ATPAF2: variants seen among roughly 807,000 people sequenced by gnomAD.
The protein encoded by ATPAF2 is ATP synthase mitochondrial F1 complex assembly factor 2, also known as ATP12 homolog.
ATPAF2 carries 30 observed loss-of-function variants against 36.6 expected under a neutral mutation model. That is an observed-to-expected ratio of 0.82 (90% CI 0.61 to 1.11). The LOEUF (loss-of-function observed/expected upper bound fraction) is 1.11, where lower values mean the gene tolerates loss of function less well. Among genes scored for constraint, ATPAF2 ranks in the 50% most tolerant of loss-of-function variants. The pLI is 0.00. For missense variants in ATPAF2, 321 were observed against 372.3 expected, an observed-to-expected ratio of 0.86 and a Z score of 1.13; for synonymous variants, 140 against 152.6, an observed-to-expected ratio of 0.92 and a Z score of 0.61.
chr17:18,020,008 C>T (rs1568564738), intron 7 of ATPAF2, among the ~76,000 whole-genome samples: 1 of 152,160 alleles, frequency 6.6e-6, no homozygotes, highest in South Asian at 2.1e-4. Context: ...AGAATAGTAG[C>T]GGGCCTCCTT....
chr17:18,030,070 C>G (rs1261925491), intron 1 of ATPAF2, among the ~76,000 whole-genome samples: 1 of 151,324 alleles, frequency 6.6e-6, no homozygotes, highest in Non-Finnish European at 1.5e-5. Context: ...CCTGTAATCC[C>G]AGCACTTTGG....
At chr17:18,024,375 C>A (rs778288956) in intron 5 of ATPAF2, among the ~76,000 whole-genome samples, 1 of 152,216 alleles carries the variant, frequency 6.6e-6, no homozygotes, top group African/African-American at 2.4e-5. Context: ...GGACACAGAG[C>A]TGCCCCTACA....
At chr17:18,015,994 C>T, downstream of ATPAF2, 1 of 1,557,626 alleles carries the variant, frequency 6.4e-7, no homozygotes, top group Non-Finnish European at 8.8e-7. Context: ...TGCTCCTTCT[C>T]TGTTCAGCTC....
intron 3 of ATPAF2, among the ~76,000 whole-genome samples, chr17:18,027,801 G>A (rs987698644): frequency 1.3e-5 from 2 of 152,224 alleles, no homozygotes; most frequent in African/African-American, 4.8e-5. Context: ...ACCTGCTAGT[G>A]GCTGTCCAGA....
At chr17:18,024,044 T>A (rs1363371762) in intron 5 of ATPAF2, among the ~76,000 whole-genome samples, 1 of 152,260 alleles carries the variant, frequency 6.6e-6, no homozygotes, top group Non-Finnish European at 1.5e-5. Context: ...TGCATACATA[T>A]CGTATATGTT....
In ATPAF2 at chr17:18,018,534, T is replaced by A. The variant is rs1487978962; in HGVS notation, c.*15A>T. The stretch of plus-strand genomic sequence containing the variant: ...TGCACTGCCTCTATCCTGCTGAGTG[T>A]GCTCTGCCCAGGCCTCACTCCTTCA... On this transcript the variant is annotated 3_prime_UTR_variant, in exon 8 of 8. Coordinates refer to ENST00000474627, the MANE Select transcript of ATPAF2 (RefSeq NM_145691.4). 1.5e-5 allele frequency: 24 copies of A among 1,612,994 alleles called. No individual in the cohort carries two copies. Among genetic ancestry groups the A allele is most frequent in the Non-Finnish European group, 2.0e-5 (24 of 1,180,022 alleles).
chr17:18,032,702 G>A (rs2044653401), intron 1 of ATPAF2, among the ~76,000 whole-genome samples: 1 of 152,196 alleles, frequency 6.6e-6, no homozygotes, highest in African/African-American at 2.4e-5. Context: ...TTACTGTCTA[G>A]TAGGAATACA....
At chr17:18,019,634 GACAGTGTAAGTCCAACCAA>G (rs150013172) in intron 7 of ATPAF2, among the ~76,000 whole-genome samples, 3,347 of 152,320 alleles carry the variant, frequency 0.022, 105 homozygotes, top group African/African-American at 0.067. Context: ...TGGCTGTCCA[GACAGTGTAAGTCCAACCAA>G]ACCTTGCTGG....
At chr17:18,033,133 C>T (rs917950678) in intron 1 of ATPAF2, among the ~76,000 whole-genome samples, 7 of 151,810 alleles carry the variant, frequency 4.6e-5, no homozygotes, top group African/African-American at 7.3e-5. Context: ...CTTTGTGAGG[C>T]CGAGGGGGAC....
At chr17:18,015,590 TGG>T, downstream of ATPAF2, 2 of 154,758 alleles carry the variant, frequency 1.3e-5, no homozygotes, top group Admixed American at 6.3e-5. Context: ...TGAGTGGCAG[TGG>T]AGAGACAACT....
rs747636000 is a variant in ATPAF2 at position 18,030,513 on chromosome 17, G to GAA, written c.134-1856_134-1855dup. ...ACAGAACAAGACCCTGTCTCTTGGGGAAAAAAAAAAAAAAAAAAAAAACAA... is the reference window on the plus strand; with the variant it reads ...ACAGAACAAGACCCTGTCTCTTGGGGAAAAAAAAAAAAAAAAAAAAAAAACAA... On this transcript the variant is annotated intron_variant, in intron 1 of 7. Transcript: ENST00000474627. Among the ~76,000 whole-genome samples the GAA allele has an allele frequency of 5.9e-3, 461 of 77,490 alleles. 6 individuals carry two copies. The highest frequency in any genetic ancestry group is 0.035 in the East Asian group (86 of 2,490). 50.8% of individuals were successfully genotyped at this position (77,490 alleles called of 152,430 possible).
At chr17:18,016,300 A>G (rs2044361484), downstream of ATPAF2, 3 of 1,251,714 alleles carry the variant, frequency 2.4e-6, no homozygotes, top group Non-Finnish European at 3.4e-6. Context: ...AATGAAATGA[A>G]GGAAGAAATA....
intron 5 of ATPAF2, among the ~76,000 whole-genome samples, chr17:18,023,223 G>A (rs1019129219): frequency 9.2e-5 from 14 of 151,486 alleles, no homozygotes; most frequent in South Asian, 2.1e-4. Flanking sequence ...TTGAGGTCAG[G>A]AGTTCGAGAC....
Position 18,018,552 on chromosome 17 carries a change from C to A in ATPAF2, c.867G>T (p.Glu289Asp), listed in dbSNP as rs1384442053. 6 of 1,613,520 alleles carry A rather than the reference C, an allele frequency of 3.7e-6. No individual in the cohort carries two copies. In the African/African-American group the frequency reaches 8.0e-5, roughly 22 times the overall value. ...STTVKHKLLK[E>D] Reference sequence around the variant, plus strand: ...CTGAGTGTGCTCTGCCCAGGCCTCACTCCTTCAGGAGCTTGTGCTTGACTG... The same window carrying A: ...CTGAGTGTGCTCTGCCCAGGCCTCAATCCTTCAGGAGCTTGTGCTTGACTG... Residue 289 changes from glutamate (E) to aspartate (D), a missense_variant, in exon 8 of 8, where the codon GAG becomes GAT. Physicochemically the swap from Glu to Asp is conservative, Grantham distance 45. Coordinates refer to ENST00000474627, the MANE Select transcript of ATPAF2 (RefSeq NM_145691.4).
downstream of ATPAF2, chr17:18,016,625 T>G: frequency 1.2e-6 from 2 of 1,613,866 alleles, no homozygotes; most frequent in Non-Finnish European, 1.7e-6. Context: ...ATCGACCACA[T>G]GCAGAGCGAA....
chr17:18,016,686 C>T (rs1480889620), downstream of ATPAF2: 2 of 1,554,250 alleles, frequency 1.3e-6, no homozygotes, highest in African/African-American at 2.7e-5. Flanking sequence ...ATGTCAGCCA[C>T]AGGAGCTTCT....
chr17:18,028,772 C>G (rs992684949), intron 1 of ATPAF2, 113 bp from the exon 2 acceptor site: 23 of 1,008,232 alleles, frequency 2.3e-5, no homozygotes, highest in Non-Finnish European at 3.4e-5. Context: ...GCTTGATTTT[C>G]ATATCCCCAT....
chr17:18,018,605 A>T lies in ATPAF2; in HGVS notation c.814T>A (p.Phe272Ile), dbSNP rs1207049637. 1 of 1,613,858 alleles carries T rather than the reference A, an allele frequency of 6.2e-7. No individual in the cohort carries two copies. Among genetic ancestry groups the T allele is most frequent in the African/African-American group, 1.3e-5 (1 of 74,924 alleles). Residue 272 changes from phenylalanine to isoleucine, a missense_variant, in exon 8 of 8, where the codon TTC (phenylalanine) becomes ATC (isoleucine). This residue lies in a region of ATPAF2 where 199 missense variants were observed against 220.6 expected (regional missense o/e 0.90). Transcript: ENST00000474627. ...GTGCTCTCGGAGCAGAGATGGATGA[A>T]GAGGGTGCCGGCGGCGGTGCGGGCC... ...LRARTAAGTL[F>I]IHLCSESTTV...
chr17:18,033,945 C>A (rs1457414390), intron 1 of ATPAF2, among the ~76,000 whole-genome samples: 3 of 152,022 alleles, frequency 2.0e-5, no homozygotes, highest in Non-Finnish European at 4.4e-5. Flanking sequence ...CATGGCAACA[C>A]CCTGTCTCTA....
Sources: gnomAD v4.1 joint callset for allele counts (sites outside exome capture counted in the v4.1 genomes callset) on GRCh38, gnomAD v4.1.1 for gene constraint, gnomAD v4.1.1 regional missense constraint, MANE v1.5 for transcripts, NCBI Gene and HGNC (gene_info 2026-07-23, HGNC 2026-07-21) for gene names.